Variants in LGR4 observed in about 807,000 individuals in gnomAD.
The protein encoded by LGR4 is leucine rich repeat containing G protein-coupled receptor 4, also known as leucine-rich repeat-containing G protein-coupled receptor 4.
LGR4 carries 44 observed loss-of-function variants against 84.8 expected under a neutral mutation model. That is an observed-to-expected ratio of 0.52 (90% CI 0.41 to 0.67). The LOEUF (loss-of-function observed/expected upper bound fraction) is 0.67. Ranked by LOEUF, LGR4 falls within the 30% of genes least tolerant of loss-of-function variation. LGR4 has a pLI of 0.00. For missense variants in LGR4, 1,032 were observed against 1,131.4 expected (o/e 0.91, Z 1.26); for synonymous variants, 429 against 434.3 (o/e 0.99, Z 0.15).
chr11:27,423,857 C>G (rs1863970191), intron 1 of LGR4, among the ~76,000 whole-genome samples: 1 of 152,182 alleles, frequency 6.6e-6, no homozygotes, highest in Non-Finnish European at 1.5e-5. Context: ...CAGAATGAAT[C>G]ATATGGTCCC....
Position 27,436,328 on chromosome 11 carries a change from T to G in LGR4, c.186-23468A>C, listed in dbSNP as rs563103879. On this transcript the variant is annotated intron_variant, in intron 1 of 17. Transcript: ENST00000379214. Reference sequence around the variant, plus strand: ...ACCATAATGCAAAGAAAGAAAGAAATAAAAGACAGAGAGAGAGAGAGAAAG... The same window carrying G: ...ACCATAATGCAAAGAAAGAAAGAAAGAAAAGACAGAGAGAGAGAGAGAAAG... Among the ~76,000 whole-genome samples the G allele has an allele frequency of 4.1e-4, 30 of 72,504 alleles. No homozygotes were observed. In the South Asian group the frequency reaches 0.012, roughly 28 times the overall value. The allele number at this position is 72,504 out of a possible 152,430, so 47.6% of individuals were successfully genotyped here.
At position 27,380,513 on chromosome 11, in the gene LGR4, T is replaced by C. The variant is rs1863071786; in HGVS notation, c.902+127A>G. On this transcript the variant is annotated intron_variant, in intron 9 of 17. Coordinates refer to ENST00000379214, the MANE Select transcript of LGR4 (RefSeq NM_018490.5). Reference sequence around the variant, plus strand: ...GTATTCACAAAAATAAGAACAATTATAAATTCTGCCCAAGGGAGAAAAAAA... The same window carrying C: ...GTATTCACAAAAATAAGAACAATTACAAATTCTGCCCAAGGGAGAAAAAAA... 1.0e-5 allele frequency: 8 copies of C among 779,190 alleles called. No homozygotes were observed. The East Asian group carries it at 2.1e-4, about 21-fold the overall frequency. 48.3% of individuals were successfully genotyped at this position (779,190 alleles called of 1,614,324 possible).
At chr11:27,380,164 G>A (rs568607090) in intron 10 of LGR4, 107 bp downstream of exon 10, 16 of 638,570 alleles carry the variant, frequency 2.5e-5, no homozygotes, top group African/African-American at 5.6e-5. Flanking sequence ...AAGGGAAACC[G>A]GAGGAATCAA....
At chr11:27,457,730 A>G (rs1467362412) in intron 1 of LGR4, among the ~76,000 whole-genome samples, 1 of 152,218 alleles carries the variant, frequency 6.6e-6, no homozygotes. Context: ...TGGTGGCTTT[A>G]TTTATAATAG....
At chr11:27,461,344 T>TA (rs879889790) in intron 1 of LGR4, among the ~76,000 whole-genome samples, 112 of 139,814 alleles carry the variant, frequency 8.0e-4, no homozygotes, top group Middle Eastern at 3.7e-3. Flanking sequence ...CTCCATAAAT[T>TA]AAAAAAAAAA....
intron 1 of LGR4, among the ~76,000 whole-genome samples, chr11:27,428,139 CTTT>C (rs1047115952): frequency 2.9e-4 from 42 of 145,502 alleles, no homozygotes; most frequent in African/African-American, 9.5e-4. Context: ...ATCTTGCATT[CTTT>C]TTTTTTTTTC....
chr11:27,398,212 G>A (rs771919329), intron 2 of LGR4, among the ~76,000 whole-genome samples: 4 of 152,154 alleles, frequency 2.6e-5, no homozygotes, highest in African/African-American at 4.8e-5. Flanking sequence ...CAGGAACTGC[G>A]CTGTCTTAAA....
intron 2 of LGR4, among the ~76,000 whole-genome samples, chr11:27,412,344 CCTACCCT>C (rs1244799308): frequency 6.6e-6 from 1 of 152,134 alleles, no homozygotes; most frequent in African/African-American, 2.4e-5. Context: ...TCCAAGGGGA[CCTACCCT>C]CAGTTTTCTG....
chr11:27,373,712 T>G, intron 14 of LGR4, 36 bp from the exon 15 acceptor site: 1 of 1,512,660 alleles, frequency 6.6e-7, no homozygotes, highest in South Asian at 1.3e-5. Context: ...TAATGCCCAA[T>G]ATATAAATCA....
At chr11:27,376,587 T>C (rs1327202840) in intron 12 of LGR4, among the ~76,000 whole-genome samples, 4 of 152,320 alleles carry the variant, frequency 2.6e-5, no homozygotes, top group Middle Eastern at 3.4e-3. Context: ...TTCTCATCTA[T>C]AAAATGAAAG....
intron 1 of LGR4, among the ~76,000 whole-genome samples, chr11:27,454,302 C>T (rs551265513): frequency 6.6e-6 from 1 of 152,274 alleles, no homozygotes; most frequent in African/African-American, 2.4e-5. Flanking sequence ...AGCTGTACTC[C>T]AACCACGTCT....
At chr11:27,433,317 A>G (rs1446053368) in intron 1 of LGR4, among the ~76,000 whole-genome samples, 1 of 151,972 alleles carries the variant, frequency 6.6e-6, no homozygotes, top group East Asian at 1.9e-4. Context: ...GGTTCTCGCC[A>G]TTCTCCTGCC....
At chr11:27,445,156 A>T (rs1864367569) in intron 1 of LGR4, among the ~76,000 whole-genome samples, 1 of 152,090 alleles carries the variant, frequency 6.6e-6, no homozygotes, top group Admixed American at 6.6e-5. Context: ...CTTTGCTCCC[A>T]CAGCCCTTTG....
chr11:27,446,863 T>G (rs942085976), intron 1 of LGR4, among the ~76,000 whole-genome samples: 48 of 152,050 alleles, frequency 3.2e-4, no homozygotes, highest in African/African-American at 9.4e-4. Flanking sequence ...CCATAAAAAA[T>G]GATGAGTTCA....
At chr11:27,403,749 T>C (rs570522504) in intron 2 of LGR4, among the ~76,000 whole-genome samples, 17 of 152,352 alleles carry the variant, frequency 1.1e-4, no homozygotes, top group African/African-American at 4.1e-4. Flanking sequence ...CTTTCAAATA[T>C]GATACATCTT....
At position 27,373,066 on chromosome 11, in the gene LGR4, C is replaced by T. The variant is rs142974034; in HGVS notation, c.1379+485G>A. 1,376 of 152,620 alleles carry T rather than the reference C, an allele frequency of 9.0e-3. 12 individuals are homozygous for T. The highest frequency in any genetic ancestry group is 0.031 in the Middle Eastern group (9 of 294). 9.5% of individuals were successfully genotyped at this position (152,620 alleles called of 1,614,324 possible). A position where few individuals can be genotyped will look rare whatever the true frequency, so the allele number is the denominator to read the frequency against. On this transcript the variant is annotated intron_variant, in intron 15 of 17. Transcript: ENST00000379214. ...GTAGAGACAGGGTCTCAGCATGTTGCCCAGGCTGGTCTTGAACTGCTGGTG... is the reference window on the plus strand; with the variant it reads ...GTAGAGACAGGGTCTCAGCATGTTGTCCAGGCTGGTCTTGAACTGCTGGTG...
At chr11:27,470,600 G>C (rs1009554446) in intron 1 of LGR4, among the ~76,000 whole-genome samples, 7 of 151,164 alleles carry the variant, frequency 4.6e-5, no homozygotes, top group African/African-American at 1.7e-4. Flanking sequence ...TCTTTCTCTT[G>C]ATTCAATCAA....
Position 27,425,611 on chromosome 11 carries a change from C to G in LGR4, c.186-12751G>C, listed in dbSNP as rs746232801. On this transcript the variant is annotated intron_variant, in intron 1 of 17. Coordinates refer to ENST00000379214, the MANE Select transcript of LGR4 (RefSeq NM_018490.5). ...GTGCTGGGATTATAGGAAGGAGCCA[C>G]CATAACCAGCTCCATCATAAATATT... Among the ~76,000 whole-genome samples the G allele has an allele frequency of 1.2e-3, 186 of 152,100 alleles. 2 individuals are homozygous for G. The highest frequency in any genetic ancestry group is 7.5e-4 in the Non-Finnish European group (51 of 68,012).
At chr11:27,456,016 GTGA>G (rs1391965680) in intron 1 of LGR4, among the ~76,000 whole-genome samples, 1 of 152,156 alleles carries the variant, frequency 6.6e-6, no homozygotes, top group East Asian at 1.9e-4. Flanking sequence ...CAAGAGGATG[GTGA>G]TGATATTATC....
Sources: gnomAD v4.1 joint callset for allele counts (sites outside exome capture counted in the v4.1 genomes callset) on GRCh38, gnomAD v4.1.1 for gene constraint, MANE v1.5 for transcripts, NCBI Gene and HGNC (gene_info 2026-07-23, HGNC 2026-07-21) for gene names.